USP37: variants seen among roughly 807,000 people sequenced by gnomAD.
USP37 encodes ubiquitin specific peptidase 37.
A neutral mutation model predicts 124.0 loss-of-function variants in USP37; 27 were observed. The observed-to-expected ratio is 0.22, with a 90% CI of 0.16 to 0.30. The LOEUF (loss-of-function observed/expected upper bound fraction) is 0.30, where lower values mean the gene tolerates loss of function less well. Among genes scored for constraint, USP37 ranks in the 10% least tolerant of loss-of-function variants. USP37 has a pLI of 1.00. For missense variants in USP37, 889 were observed against 1,140.4 expected, an observed-to-expected ratio of 0.78 and a Z score of 3.17; for synonymous variants, 365 against 388.0, an observed-to-expected ratio of 0.94 and a Z score of 0.70.
chr2:218,521,861 C>T (rs1335575588), intron 10 of USP37, among the ~76,000 whole-genome samples: 2 of 152,110 alleles, frequency 1.3e-5, no homozygotes, highest in African/African-American at 4.8e-5. Flanking sequence ...CTGTAATAAT[C>T]ACCACCACTT....
At chr2:218,487,381 A>G (rs1181354554) in intron 15 of USP37, among the ~76,000 whole-genome samples, 1 of 152,228 alleles carries the variant, frequency 6.6e-6, no homozygotes, top group African/African-American at 2.4e-5. Flanking sequence ...AAATTTTAGA[A>G]TATGTTACTT....
chr2:218,558,564 T>C lies in USP37; in HGVS notation c.90A>G (p.Val30=), dbSNP rs1559231346. The C allele has an allele frequency of 6.2e-7, 1 of 1,613,700 alleles. No homozygotes were observed. The highest frequency in any genetic ancestry group is 1.7e-5 in the Admixed American group (1 of 60,024). The change falls in exon 4 of 26, where the codon GTA becomes GTG. Residue 30 remains valine (V), a synonymous_variant. Transcript: ENST00000258399. ...CTAGGCTGACTTTATTCTCTTTTTC[T>C]ACAATTTCAAAGGATCCTTCTTTCC... The part of the protein sequence containing the change: ...TKWKEGSFEI[V]EKENKVSLVV...
chr2:218,497,058 C>T (rs911901172), intron 13 of USP37, among the ~76,000 whole-genome samples: 4 of 151,884 alleles, frequency 2.6e-5, no homozygotes, highest in African/African-American at 9.7e-5. Context: ...ATTTCTTACA[C>T]GTTATTTATT....
chr2:218,456,975 A>G (rs1008955498), intron 24 of USP37, 117 bp downstream of exon 24: 20 of 1,125,178 alleles, frequency 1.8e-5, no homozygotes, highest in African/African-American at 9.6e-5. Flanking sequence ...ATCTCAAAAA[A>G]AAAAAGAAAA....
chr2:218,564,149 A>G (rs1297352201), intron 1 of USP37, among the ~76,000 whole-genome samples: 1 of 152,194 alleles, frequency 6.6e-6, no homozygotes, highest in African/African-American at 2.4e-5. Flanking sequence ...AAATCTTGGC[A>G]TCAGCTTTAT....
At chr2:218,477,014 A>G in intron 18 of USP37, 33 bp from the exon 19 acceptor site, 2 of 1,484,290 alleles carry the variant, frequency 1.3e-6, no homozygotes, top group Non-Finnish European at 9.0e-7. Flanking sequence ...AAAGCCTGAT[A>G]AACATTTGTC....
intron 11 of USP37, among the ~76,000 whole-genome samples, chr2:218,503,880 G>T (rs1340067451): frequency 2.6e-5 from 4 of 152,122 alleles, no homozygotes; most frequent in Non-Finnish European, 5.9e-5. Context: ...TAGCAAGATG[G>T]TAGACTTAAA....
At chr2:218,550,038 C>A (rs2106048343) in intron 5 of USP37, 129 bp from the exon 6 acceptor site, 1 of 599,686 alleles carries the variant, frequency 1.7e-6, no homozygotes, top group Non-Finnish European at 2.7e-6. Context: ...GAAAACAAAT[C>A]AAAGTGCCTA....
chr2:218,497,815 T>C lies in USP37; in HGVS notation c.1200A>G (p.Ser400=), dbSNP rs1301239339. The C allele has an allele frequency of 6.2e-7, 1 of 1,614,166 alleles. No individual in the cohort carries two copies. The highest frequency in any genetic ancestry group is 2.2e-5 in the East Asian group (1 of 44,870). The change falls in exon 13 of 26, where the codon TCA becomes TCG. Residue 400 remains serine, a synonymous_variant. Transcript: ENST00000258399. The part of the protein sequence containing the change: ...HLLVKKDICN[S]ETKKDLLKKV... ...TCTTGAGTAAATCCTTTTTGGTCTCTGAATTACAGATATCTTTTTTAACAA... is the reference window on the plus strand; with the variant it reads ...TCTTGAGTAAATCCTTTTTGGTCTCCGAATTACAGATATCTTTTTTAACAA...
At chr2:218,513,640 TAA>T (rs1479055937) in intron 10 of USP37, among the ~76,000 whole-genome samples, 1 of 152,212 alleles carries the variant, frequency 6.6e-6, no homozygotes, top group Non-Finnish European at 1.5e-5. Flanking sequence ...AAATTTCATA[TAA>T]ATGGAATCTT....
intron 10 of USP37, among the ~76,000 whole-genome samples, chr2:218,510,767 C>A (rs1024995121): frequency 6.6e-6 from 1 of 152,058 alleles, no homozygotes; most frequent in Non-Finnish European, 1.5e-5. Context: ...CCAAGGTGGG[C>A]GGATTGCTTG....
intron 10 of USP37, among the ~76,000 whole-genome samples, chr2:218,517,719 T>C (rs1690376085): frequency 6.6e-6 from 1 of 152,228 alleles, no homozygotes; most frequent in African/African-American, 2.4e-5. Flanking sequence ...TACTTGGTAT[T>C]CATTAGGCTT....
chr2:218,511,843 A>G (rs1690019066), intron 10 of USP37, among the ~76,000 whole-genome samples: 1 of 138,028 alleles, frequency 7.2e-6, no homozygotes, highest in South Asian at 2.3e-4. Context: ...TGTATCTTGT[A>G]TTTTGTTTAA....
chr2:218,497,519 G>A (rs764064516), intron 13 of USP37, among the ~76,000 whole-genome samples: 1 of 151,370 alleles, frequency 6.6e-6, no homozygotes, highest in Admixed American at 6.6e-5. Flanking sequence ...TCAGGCTCCC[G>A]AGAAGCTGGG....
chr2:218,564,844 A>G (rs1224599921), intron 1 of USP37, among the ~76,000 whole-genome samples: 1 of 152,202 alleles, frequency 6.6e-6, no homozygotes, highest in Non-Finnish European at 1.5e-5. Context: ...TTTGGTATTC[A>G]TACACCTCCA....
chr2:218,490,637 C>G (rs1175625227), intron 14 of USP37, among the ~76,000 whole-genome samples: 1 of 152,132 alleles, frequency 6.6e-6, no homozygotes, highest in East Asian at 1.9e-4. Context: ...ATTCAACGAA[C>G]ATTTACTGAG....
At chr2:218,488,175 C>CAAAAAAAAAAAAAAA in intron 15 of USP37, 129 bp downstream of exon 15, 1 of 346,606 alleles carries the variant, frequency 2.9e-6, no homozygotes, top group Non-Finnish European at 4.8e-6. Context: ...GACCCTGTCT[C>CAAAAAAAAAAAAAAA]AAAAAAAAAA....
At position 218,520,804 on chromosome 2, in the gene USP37, T is replaced by A. The variant is rs1026651812; in HGVS notation, c.863+9152A>T. Among the ~76,000 whole-genome samples, 7 of 152,356 alleles carry A rather than the reference T, an allele frequency of 4.6e-5. No individual in the cohort carries two copies. In the East Asian group the frequency reaches 1.3e-3, roughly 29 times the overall value. On this transcript the variant is annotated intron_variant, in intron 10 of 25. Transcript: ENST00000258399. ...GACTCCCTGCAACCTTTACTTGACA[T>A]GACATCAACTTGGTGAAGAGAACAG...
At chr2:218,543,039 T>C (rs551142127) in intron 8 of USP37, among the ~76,000 whole-genome samples, 2 of 152,336 alleles carry the variant, frequency 1.3e-5, no homozygotes, top group African/African-American at 4.8e-5. Context: ...AACGGTCATA[T>C]TAATGTCTTG....
Sources: allele counts gnomAD v4.1 joint callset (sites outside exome capture counted in the v4.1 genomes callset), GRCh38; gene constraint gnomAD v4.1.1; transcripts MANE v1.5; gene names NCBI Gene and HGNC (gene_info 2026-07-23, HGNC 2026-07-21).